Variants in RLN2 observed in about 807,000 individuals in gnomAD.
RLN2 encodes the protein prorelaxin H2.
Under a neutral mutation model 7.3 loss-of-function variants are expected in RLN2, and 10 were observed. The observed-to-expected ratio is 1.36, with a 90% confidence interval of 0.84 to 2.31. The LOEUF (loss-of-function observed/expected upper bound fraction) is 2.31. Ranked by LOEUF, RLN2 falls within the 30% of genes most tolerant of loss-of-function variation. RLN2 has a pLI of 0.00. For synonymous variants in RLN2, 103 were observed against 82.3 expected (o/e 1.25, Z -1.36); for missense variants, 298 against 217.6 (o/e 1.37, Z -2.32).
intron 1 of RLN2, chr9:5,304,033 G>A: frequency 4.9e-6 from 1 of 202,650 alleles, no homozygotes; most frequent in East Asian, 1.2e-4. Context: ...GCGGGTCTCC[G>A]GGCGGCGTCA....
chr9:5,337,209 G>A, the RLN2 span, among the ~76,000 whole-genome samples: 1 of 151,906 alleles, frequency 6.6e-6, no homozygotes, highest in Non-Finnish European at 1.5e-5. Context: ...ACTGTCTGTA[G>A]TTGCAGTCTT....
chr9:5,316,595 C>A, the RLN2 span, among the ~76,000 whole-genome samples: 9 of 152,010 alleles, frequency 5.9e-5, no homozygotes, highest in African/African-American at 2.2e-4. Flanking sequence ...TTTCCAACTT[C>A]ATCCATATCC....
In RLN2 at chr9:5,300,114, A is replaced by G; in HGVS notation, c.542T>C (p.Leu181Pro). ...CCHVGCTKRS[L>P]ARFC Reference sequence around the variant, plus strand: ...AGCTTCATCTCAGCAAAATCTAGCAAGAGATCTTTTGGTACAACCAACATG... The same window carrying G: ...AGCTTCATCTCAGCAAAATCTAGCAGGAGATCTTTTGGTACAACCAACATG... The change falls in exon 2 of 2, where the codon CTT becomes CCT. Residue 181 changes from leucine to proline, a missense_variant. Leu to Pro is a moderately conservative substitution (Grantham distance 98). Coordinates refer to ENST00000381627, the MANE Select transcript of RLN2 (RefSeq NM_134441.3). 6.3e-7 allele frequency: 1 copy of G among 1,596,066 alleles called. No individual in the cohort carries two copies. Among genetic ancestry groups the G allele is most frequent in the Non-Finnish European group, 8.5e-7 (1 of 1,173,290 alleles).
chr9:5,326,185 A>G, the RLN2 span, among the ~76,000 whole-genome samples: 1 of 152,202 alleles, frequency 6.6e-6, no homozygotes, highest in East Asian at 1.9e-4. Flanking sequence ...TTTCTGTTAA[A>G]TTTTTTAAAA....
chr9:5,335,092 T>A, the RLN2 span: 1 of 512,034 alleles, frequency 2.0e-6, no homozygotes, highest in Non-Finnish European at 3.4e-6. Context: ...GAAACTACAA[T>A]CATACAAAGA....
the RLN2 span, among the ~76,000 whole-genome samples, chr9:5,322,592 CTAAG>C: frequency 6.6e-6 from 1 of 151,860 alleles, no homozygotes; most frequent in Non-Finnish European, 1.5e-5. Context: ...AATTTGATTT[CTAAG>C]TGAGTAATAA....
At chr9:5,304,272 C>A in intron 1 of RLN2, 98 bp downstream of exon 1, 1 of 774,310 alleles carries the variant, frequency 1.3e-6, no homozygotes, top group Non-Finnish European at 2.1e-6. Context: ...CCAATGAGAT[C>A]TCGAGTCGGA....
chr9:5,306,109 G>GTTTTTTTTTTTTT (rs199949652), upstream of RLN2, among the ~76,000 whole-genome samples: 4 of 131,524 alleles, frequency 3.0e-5, no homozygotes, highest in East Asian at 2.2e-4. Flanking sequence ...TTTGTTTTTT[G>GTTTTTTTTTTTTT]TTTTTTTTTT....
chr9:5,302,699 G>A (rs2130991979), intron 1 of RLN2, among the ~76,000 whole-genome samples: 1 of 152,234 alleles, frequency 6.6e-6, no homozygotes, highest in Admixed American at 6.5e-5. Context: ...AGTATTTTCA[G>A]CAACAATTTA....
At chr9:5,326,602 GGA>G in the RLN2 span, among the ~76,000 whole-genome samples, 1 of 152,012 alleles carries the variant, frequency 6.6e-6, no homozygotes, top group Non-Finnish European at 1.5e-5. Flanking sequence ...AGCCAGGTGG[GGA>G]CAAGGGGGGA....
chr9:5,330,933 A>G, the RLN2 span, among the ~76,000 whole-genome samples: 1 of 151,998 alleles, frequency 6.6e-6, no homozygotes, highest in African/African-American at 2.4e-5. Flanking sequence ...CTGATCCCAC[A>G]GAAATACAAA....
chr9:5,335,523 G>T, the RLN2 span: 37 of 1,613,140 alleles, frequency 2.3e-5, no homozygotes, highest in Non-Finnish European at 3.1e-5. Flanking sequence ...TTCAGCTCCG[G>T]TGGCAAATTA....
chr9:5,333,443 G>A, the RLN2 span, among the ~76,000 whole-genome samples: 14 of 152,042 alleles, frequency 9.2e-5, no homozygotes, highest in East Asian at 2.5e-3. Flanking sequence ...TACATTCCTG[G>A]ACACATACAC....
chr9:5,318,007 C>CGTGTGT, the RLN2 span, among the ~76,000 whole-genome samples: 7,979 of 148,024 alleles, frequency 0.054, 830 homozygotes, highest in African/African-American at 0.19. Context: ...TGTGTGTGTG[C>CGTGTGT]GTGTGTGTGT....
intron 1 of RLN2, 116 bp downstream of exon 1, chr9:5,304,254 G>A (rs1196218363): frequency 1.2e-5 from 8 of 665,386 alleles, no homozygotes; most frequent in African/African-American, 6.9e-5. Flanking sequence ...GGGGCTGAGC[G>A]GTGGCAGCCA....
chr9:5,312,628 T>C, the RLN2 span, among the ~76,000 whole-genome samples: 1 of 151,936 alleles, frequency 6.6e-6, no homozygotes, highest in Admixed American at 6.6e-5. Flanking sequence ...AAAGTTGTTG[T>C]ATACTGTTAA....
At chr9:5,315,560 T>A in the RLN2 span, among the ~76,000 whole-genome samples, 3 of 151,974 alleles carry the variant, frequency 2.0e-5, no homozygotes, top group Non-Finnish European at 4.4e-5. Context: ...ACTTCCCAAG[T>A]TTTGAAAGAG....
At chr9:5,316,929 T>G in the RLN2 span, among the ~76,000 whole-genome samples, 1 of 152,040 alleles carries the variant, frequency 6.6e-6, no homozygotes, top group African/African-American at 2.4e-5. Flanking sequence ...ATGTAAATTG[T>G]GAAATCAAAA....
At chr9:5,331,979 A>T in the RLN2 span, among the ~76,000 whole-genome samples, 1 of 152,082 alleles carries the variant, frequency 6.6e-6, no homozygotes, top group East Asian at 1.9e-4. Context: ...AAATGTATAC[A>T]AGTATAAGGG....
Sources: allele counts gnomAD v4.1 joint callset (sites outside exome capture counted in the v4.1 genomes callset), GRCh38; gene constraint gnomAD v4.1.1; transcripts MANE v1.5; gene names NCBI Gene and HGNC (gene_info 2026-07-23, HGNC 2026-07-21).